WNK4: variants seen among roughly 807,000 people sequenced by gnomAD.
The protein encoded by WNK4 is serine/threonine-protein kinase WNK4.
Under a neutral mutation model 116.2 loss-of-function variants are expected in WNK4, and 94 were observed. The observed-to-expected ratio is 0.81, with a 90% confidence interval of 0.68 to 0.96. The LOEUF (loss-of-function observed/expected upper bound fraction) is 0.96, where lower values mean the gene tolerates loss of function less well. Ranked by LOEUF, WNK4 falls within the 40% of genes least tolerant of loss-of-function variation. The probability of loss-of-function intolerance (pLI) is 0.00; values close to 1 mark genes in which losing one functional copy is unlikely to be tolerated. For missense variants in WNK4, 1,542 were observed against 1,650.6 expected (o/e 0.93, Z 1.14); for synonymous variants, 655 against 672.7 (o/e 0.97, Z 0.41).
In WNK4 at chr17:42,796,154, C is replaced by T; in HGVS notation, c.3463C>T (p.Leu1155=). 1.4e-5 allele frequency: 22 copies of T among 1,614,080 alleles called. No individual in the cohort carries two copies. The highest frequency in any genetic ancestry group is 1.9e-5 in the Non-Finnish European group (22 of 1,180,004). ...HLSEVETLQT[L]QKKEIEDLYS... ...GTCAGAGGTGGAAACACTACAGACA[C>T]TACAGAAAAAAGAAATTGAAGATTT... The change falls in exon 17 of 19, where the codon CTA becomes TTA. Residue 1155 remains leucine, a synonymous_variant. Coordinates refer to ENST00000246914, the MANE Select transcript of WNK4 (RefSeq NM_032387.5).
In WNK4 at chr17:42,782,885, G is replaced by A. The variant is rs1363525105; in HGVS notation, c.746G>A (p.Cys249Tyr). The stretch of plus-strand genomic sequence containing the variant: ...AAGTCGGTGCTGAGGGGCCAGGTTT[G>A]CATCGTGCTGGTCACCGAACTCATG... ...SWKSVLRGQV[C>Y]IVLVTELMTS... The change falls in exon 2 of 19, where the codon TGC becomes TAC. Residue 249 changes from cysteine (C) to tyrosine (Y), a missense_variant. Coordinates refer to ENST00000246914, the MANE Select transcript of WNK4 (RefSeq NM_032387.5). This position sits in a 1 kb window ranked among gnomAD's most constrained non-coding sequence, Gnocchi z 4.2. The A allele has an allele frequency of 1.2e-6, 2 of 1,614,202 alleles. No individual in the cohort carries two copies. The highest frequency in any genetic ancestry group is 1.7e-6 in the Non-Finnish European group (2 of 1,180,036).
At chr17:42,794,294 T>G (rs2054637723) in intron 12 of WNK4, 1 of 432,690 alleles carries the variant, frequency 2.3e-6, no homozygotes, top group Non-Finnish European at 4.2e-6. Context: ...TTGCAAGAAT[T>G]ATATAAAGAA....
At chr17:42,793,556 C>A in intron 11 of WNK4, 36 bp from the exon 12 acceptor site, 1 of 1,612,286 alleles carries the variant, frequency 6.2e-7, no homozygotes, top group Non-Finnish European at 8.5e-7. Flanking sequence ...AGTGAGATAA[C>A]AAGCTCTCCC....
Position 42,784,927 on chromosome 17 carries a change from G to GGC in WNK4, c.1171-169_1171-168insCG, listed in dbSNP as rs901792067. Among the ~76,000 whole-genome samples the GGC allele has an allele frequency of 2.1e-5, 1 of 48,056 alleles. No homozygotes were observed. Among genetic ancestry groups the GGC allele is most frequent in the African/African-American group, 7.2e-5 (1 of 13,886 alleles). 31.5% of individuals were successfully genotyped at this position (48,056 alleles called of 152,430 possible). ...GTTCAAGATCACACTGTAAATACTT[G>GGC]GGGGGGGGGCGGGGATTAGGATTTG... On this transcript the variant is annotated intron_variant, in intron 4 of 18. Coordinates refer to ENST00000246914, the MANE Select transcript of WNK4 (RefSeq NM_032387.5). This position sits in a 1 kb window ranked among gnomAD's most constrained non-coding sequence, Gnocchi z 4.4.
In WNK4 at chr17:42,795,456, T is replaced by C. The variant is rs1437737680; in HGVS notation, c.2962-5T>C. 6.2e-6 allele frequency: 10 copies of C among 1,614,158 alleles called. No homozygotes were observed. Among genetic ancestry groups the C allele is most frequent in the Middle Eastern group, 1.6e-4 (1 of 6,062 alleles). ...CTTCCCTTCTCATGGCCCCCCACTT[T>C]CTAGGCCTCACCACCTCCTGCTCGG... On this transcript the variant is annotated splice_region_variant and splice_polypyrimidine_tract_variant and intron_variant, in intron 14 of 18. Transcript: ENST00000246914.
At position 42,783,998 on chromosome 17, in the gene WNK4, C is replaced by T. The variant is rs1237112565; in HGVS notation, c.853C>T (p.Leu285=). 3.7e-6 allele frequency: 6 copies of T among 1,613,970 alleles called. No individual in the cohort carries two copies. The Admixed American group carries it at 1.0e-4, about 27-fold the overall frequency. Residue 285 remains leucine, a synonymous_variant, in exon 3 of 19, where the codon CTG becomes TTG. Coordinates refer to ENST00000246914, the MANE Select transcript of WNK4 (RefSeq NM_032387.5). ...RVLQRWSRQI[L]RGLHFLHSRV... ...CCTTCAGCGCTGGAGCCGCCAAATC[C>T]TGCGGGGACTTCATTTCCTACACTC...
In WNK4 at chr17:42,780,946, C is replaced by T. The variant is rs771468515; in HGVS notation, c.248C>T (p.Pro83Leu). Residue 83 changes from proline (P) to leucine (L), a missense_variant, in exon 1 of 19, where the codon CCC becomes CTC. Physicochemically the swap from Pro to Leu is moderately conservative, Grantham distance 98. This residue lies in a region of WNK4 where 243 missense variants were observed against 217.8 expected (regional missense o/e 1.12). Coordinates refer to ENST00000246914, the MANE Select transcript of WNK4 (RefSeq NM_032387.5). Reference sequence around the variant, plus strand: ...CTGCCAGCCTCACCCGCTCCGGACCCCCCCGATCCTCCGGACTCCGCTGGT... The same window carrying T: ...CTGCCAGCCTCACCCGCTCCGGACCTCCCCGATCCTCCGGACTCCGCTGGT... ...WSLPASPAPDPPDPPDSAGPG... is the reference protein window; with the variant it reads ...WSLPASPAPDLPDPPDSAGPG... 2 of 1,610,320 alleles carry T rather than the reference C, an allele frequency of 1.2e-6. No homozygotes were observed. Among genetic ancestry groups the T allele is most frequent in the Non-Finnish European group, 8.5e-7 (1 of 1,179,740 alleles).
intron 2 of WNK4, 42 bp from the exon 3 acceptor site, chr17:42,783,895 C>A (rs528852665): frequency 6.4e-7 from 1 of 1,568,422 alleles, no homozygotes; most frequent in Non-Finnish European, 8.7e-7. Flanking sequence ...TCCCGGAGGA[C>A]GTGTCCCCCC....
chr17:42,790,455 G>A (rs1291814068), intron 11 of WNK4, among the ~76,000 whole-genome samples: 3 of 152,098 alleles, frequency 2.0e-5, no homozygotes, highest in Non-Finnish European at 4.4e-5. Flanking sequence ...GCCAAGACAA[G>A]ACCCTCCATA....
chr17:42,789,715 G>T (rs2054589698), intron 11 of WNK4, among the ~76,000 whole-genome samples: 1 of 148,902 alleles, frequency 6.7e-6, no homozygotes, highest in African/African-American at 2.5e-5. Context: ...TAAATAGAGA[G>T]GCAGAGCAGG....
intron 7 of WNK4, 101 bp downstream of exon 7, chr17:42,787,643 A>G: frequency 6.3e-7 from 1 of 1,585,542 alleles, no homozygotes; most frequent in South Asian, 1.1e-5. Flanking sequence ...CCTGCCTTCC[A>G]CCTCTAGCCA....
Position 42,796,893 on chromosome 17 carries a change from T to C in WNK4, c.*205T>C, listed in dbSNP as rs1043491283. 5.1e-6 allele frequency: 5 copies of C among 981,440 alleles called. No homozygotes were observed. The East Asian group carries it at 1.3e-4, about 25-fold the overall frequency. The allele number at this position is 981,440 out of a possible 1,614,324, so 60.8% of individuals were successfully genotyped here. Reference sequence around the variant, plus strand: ...TGAACTGTTTGCTGTGTGGAGGTGTTAGTTCTGCTGCCTACCATCTTCATC... The same window carrying C: ...TGAACTGTTTGCTGTGTGGAGGTGTCAGTTCTGCTGCCTACCATCTTCATC... On this transcript the variant is annotated 3_prime_UTR_variant, in exon 19 of 19. Transcript: ENST00000246914.
chr17:42,784,555 G>T lies in WNK4; in HGVS notation c.1146G>T (p.Ala382=). Residue 382 remains alanine, a synonymous_variant, in exon 4 of 19, where the codon GCG becomes GCT. Coordinates refer to ENST00000246914, the MANE Select transcript of WNK4 (RefSeq NM_032387.5). This position sits in a 1 kb window ranked among gnomAD's most constrained non-coding sequence, Gnocchi z 4.4. ...EYPYSECQNA[A]QIYRKVTSGR... Reference sequence around the variant, plus strand: ...CGTACTCCGAGTGCCAGAATGCCGCGCAAATCTACCGCAAGGTCACTTCGG... The same window carrying T: ...CGTACTCCGAGTGCCAGAATGCCGCTCAAATCTACCGCAAGGTCACTTCGG... 2 of 1,614,152 alleles carry T rather than the reference G, an allele frequency of 1.2e-6. No individual in the cohort carries two copies. Among genetic ancestry groups the T allele is most frequent in the Non-Finnish European group, 1.7e-6 (2 of 1,180,034 alleles).
intron 15 of WNK4, 48 bp downstream of exon 15, chr17:42,795,569 T>C: frequency 6.2e-7 from 1 of 1,614,158 alleles, no homozygotes; most frequent in African/African-American, 1.3e-5. Flanking sequence ...CCCTACTCAC[T>C]GTCTGTCCTG....
chr17:42,784,303 T>G lies in WNK4; in HGVS notation c.1013-119T>G. 1 of 1,541,082 alleles carries G rather than the reference T, an allele frequency of 6.5e-7. No homozygotes were observed. Among genetic ancestry groups the G allele is most frequent in the Non-Finnish European group, 8.9e-7 (1 of 1,127,752 alleles). The stretch of plus-strand genomic sequence containing the variant: ...GCTGAGGAGACCTATGGCACCCACC[T>G]CAACCCCACTGTGGGCCGGGGTCAC... On this transcript the variant is annotated intron_variant, in intron 3 of 18. Transcript: ENST00000246914. This position sits in a 1 kb window ranked among gnomAD's most constrained non-coding sequence, Gnocchi z 4.4.
In WNK4 at chr17:42,782,581, A is replaced by ACGTG. The variant is rs2054496556; in HGVS notation, c.619-174_619-171dup. ...GTTGGGTGTGTCCTTGGATCAGCTT[A>ACGTG]CGTGCGGGACTGTTGGAGAGTTCAG... On this transcript the variant is annotated intron_variant, in intron 1 of 18. Transcript: ENST00000246914. This position sits in a 1 kb window ranked among gnomAD's most constrained non-coding sequence, Gnocchi z 4.2. Among the ~76,000 whole-genome samples, 1 of 152,220 alleles carries ACGTG rather than the reference A, an allele frequency of 6.6e-6. No homozygotes were observed. Among genetic ancestry groups the ACGTG allele is most frequent in the Non-Finnish European group, 1.5e-5 (1 of 68,036 alleles).
chr17:42,795,225 T>G lies in WNK4; in HGVS notation c.2804T>G (p.Met935Arg). The G allele has an allele frequency of 6.2e-7, 1 of 1,613,992 alleles. No homozygotes were observed. Among genetic ancestry groups the G allele is most frequent in the South Asian group, 1.1e-5 (1 of 91,068 alleles). ...SLASAFSLAV[M>R]TVAQSLLSPS... ...GCTAGTGCCTTCTCACTGGCTGTGATGACTGTGGCCCAGTCCCTGCTGTCC... is the reference window on the plus strand; with the variant it reads ...GCTAGTGCCTTCTCACTGGCTGTGAGGACTGTGGCCCAGTCCCTGCTGTCC... The change falls in exon 14 of 19, where the codon ATG becomes AGG. Residue 935 changes from methionine (M) to arginine (R), a missense_variant. Transcript: ENST00000246914.
intron 6 of WNK4, 101 bp downstream of exon 6, chr17:42,785,583 G>C: frequency 2.2e-6 from 3 of 1,382,302 alleles, no homozygotes; most frequent in Non-Finnish European, 3.0e-6. Flanking sequence ...GGCAGCGATG[G>C]GGGCGGGGCA....
rs1400112586 is a variant in WNK4, at chr17:42,781,076, G to C, written c.378G>C (p.Glu126Asp). 9 of 1,612,726 alleles carry C rather than the reference G, an allele frequency of 5.6e-6. No homozygotes were observed. Among genetic ancestry groups the C allele is most frequent in the African/African-American group, 1.3e-5 (1 of 74,934 alleles). The change falls in exon 1 of 19, where the codon GAG becomes GAC. Residue 126 changes from glutamate to aspartate, a missense_variant. This residue lies in a region of WNK4 where 243 missense variants were observed against 217.8 expected (regional missense o/e 1.12). Transcript: ENST00000246914. ...VKAAEDSARP[E>D]LPDSAVGPGS... Reference sequence around the variant, plus strand: ...CTGCGGAAGACTCCGCGCGTCCCGAGCTCCCGGACTCTGCAGTGGGCCCGG... The same window carrying C: ...CTGCGGAAGACTCCGCGCGTCCCGACCTCCCGGACTCTGCAGTGGGCCCGG...
Sources: gnomAD v4.1 joint callset for allele counts (sites outside exome capture counted in the v4.1 genomes callset) on GRCh38, gnomAD v4.1.1 for gene constraint, gnomAD v4.1.1 regional missense constraint, Gnocchi (gnomAD v3.1) non-coding constraint, MANE v1.5 for transcripts, NCBI Gene and HGNC (gene_info 2026-07-23, HGNC 2026-07-21) for gene names.